Variants in SYCP1 observed in about 807,000 individuals in gnomAD.
SYCP1 encodes synaptonemal complex protein 1, also known as cancer/testis antigen 8.
In SYCP1, 64 loss-of-function variants were observed where a neutral mutation model predicts 153.1. The ratio of observed to expected loss-of-function variants is 0.42; its 90% confidence interval spans 0.34 to 0.51. SYCP1 has a LOEUF of 0.51. Among genes scored for constraint, SYCP1 ranks in the 20% least tolerant of loss-of-function variants. The pLI is 0.06. For missense variants in SYCP1, 997 were observed against 1,049.0 expected (o/e 0.95, Z 0.68); for synonymous variants, 384 against 341.8 (o/e 1.12, Z -1.36).
At chr1:114,981,009 C>T (rs970706308) in intron 28 of SYCP1, among the ~76,000 whole-genome samples, 3 of 151,778 alleles carry the variant, frequency 2.0e-5, no homozygotes, top group Non-Finnish European at 4.4e-5. Flanking sequence ...GATTTAGCTC[C>T]CACTTATAAA....
chr1:114,930,214 G>A (rs1669534661), intron 23 of SYCP1, among the ~76,000 whole-genome samples: 1 of 151,874 alleles, frequency 6.6e-6, no homozygotes, highest in Admixed American at 6.6e-5. Context: ...GAAATTTAGA[G>A]TTTTAAATGT....
At chr1:114,935,273 A>G (rs1669920717) in intron 23 of SYCP1, among the ~76,000 whole-genome samples, 1 of 152,204 alleles carries the variant, frequency 6.6e-6, no homozygotes, top group African/African-American at 2.4e-5. Context: ...CCACTCAACT[A>G]CATGGAAACT....
intron 12 of SYCP1, among the ~76,000 whole-genome samples, chr1:114,883,819 A>T (rs1570695739): frequency 6.6e-6 from 1 of 152,134 alleles, no homozygotes; most frequent in African/African-American, 2.4e-5. Flanking sequence ...CAGCCTCCCG[A>T]GTAGCTGGGA....
chr1:114,961,807 A>G (rs1461309578), intron 27 of SYCP1, among the ~76,000 whole-genome samples: 4 of 152,078 alleles, frequency 2.6e-5, no homozygotes, highest in Admixed American at 2.6e-4. Context: ...AATAGAATGT[A>G]TATTCTGCAG....
intron 28 of SYCP1, 37 bp from the exon 29 acceptor site, chr1:114,981,299 T>C: frequency 6.9e-7 from 1 of 1,439,108 alleles, no homozygotes; most frequent in Non-Finnish European, 9.4e-7. Flanking sequence ...ATGTGACATT[T>C]AGTGATGGTT....
intron 27 of SYCP1, among the ~76,000 whole-genome samples, chr1:114,950,800 C>A: frequency 1.3e-5 from 2 of 151,212 alleles, no homozygotes; most frequent in South Asian, 2.1e-4. Context: ...TACATATATA[C>A]ATAATTATGT....
At chr1:114,979,970 A>G (rs1673046699) in intron 28 of SYCP1, among the ~76,000 whole-genome samples, 1 of 151,826 alleles carries the variant, frequency 6.6e-6, no homozygotes, top group East Asian at 1.9e-4. Flanking sequence ...AAGTTCAGCC[A>G]CCATGCTTTC....
intron 30 of SYCP1, among the ~76,000 whole-genome samples, chr1:114,986,677 T>A (rs1385844971): frequency 6.6e-6 from 1 of 151,948 alleles, no homozygotes; most frequent in Non-Finnish European, 1.5e-5. Context: ...TTATAAAAAT[T>A]AAGATTTAAA....
At chr1:114,860,958 G>A (rs183236640) in intron 8 of SYCP1, 149 bp downstream of exon 8, 248 of 582,794 alleles carry the variant, frequency 4.3e-4, no homozygotes, top group African/African-American at 1.6e-3. Flanking sequence ...AAGTAATAAG[G>A]AGAATCACAG....
At chr1:114,959,204 A>C (rs947583392) in intron 27 of SYCP1, among the ~76,000 whole-genome samples, 1 of 152,014 alleles carries the variant, frequency 6.6e-6, no homozygotes, top group Non-Finnish European at 1.5e-5. Flanking sequence ...TGCTTTTTCC[A>C]TGTCTGTTGA....
chr1:114,948,412 A>G (rs1313301962), intron 27 of SYCP1, among the ~76,000 whole-genome samples: 1 of 152,178 alleles, frequency 6.6e-6, no homozygotes. Flanking sequence ...ACCTAGGTCT[A>G]TTTTTGCATG....
At chr1:114,885,299 A>G (rs917704382) in intron 12 of SYCP1, among the ~76,000 whole-genome samples, 2 of 152,104 alleles carry the variant, frequency 1.3e-5, no homozygotes, top group Non-Finnish European at 2.9e-5. Context: ...ATGTTTTGCT[A>G]TTATAAAAAA....
At chr1:114,986,469 A>G (rs1251550770) in intron 30 of SYCP1, among the ~76,000 whole-genome samples, 3 of 152,022 alleles carry the variant, frequency 2.0e-5, no homozygotes, top group African/African-American at 7.2e-5. Context: ...ATTCAACATG[A>G]TTCATTTCAT....
intron 27 of SYCP1, among the ~76,000 whole-genome samples, chr1:114,949,661 C>T (rs1271543233): frequency 1.3e-5 from 2 of 152,254 alleles, no homozygotes; most frequent in South Asian, 2.1e-4. Flanking sequence ...CCTATACTGT[C>T]TCATTTCTAT....
intron 27 of SYCP1, among the ~76,000 whole-genome samples, chr1:114,951,958 A>T (rs1671135538): frequency 6.6e-6 from 1 of 152,248 alleles, no homozygotes; most frequent in Non-Finnish European, 1.5e-5. Context: ...ACCTGAGTAT[A>T]TAGAAAGTTG....
intron 20 of SYCP1, among the ~76,000 whole-genome samples, chr1:114,920,875 G>C (rs1313270513): frequency 6.6e-6 from 1 of 152,012 alleles, no homozygotes; most frequent in Non-Finnish European, 1.5e-5. Flanking sequence ...ATCTTTACAG[G>C]TGAAGAGGTG....
chr1:114,987,323 G>A (rs915752635), intron 30 of SYCP1, among the ~76,000 whole-genome samples: 1 of 151,900 alleles, frequency 6.6e-6, no homozygotes, highest in African/African-American at 2.4e-5. Context: ...GGGGAAGAGG[G>A]AAAATCTTAT....
chr1:114,947,323 A>G lies in SYCP1; in HGVS notation c.2322+3A>G, dbSNP rs759293651. 1.9e-6 allele frequency: 3 copies of G among 1,610,910 alleles called. No individual in the cohort carries two copies. The highest frequency in any genetic ancestry group is 2.5e-6 in the Non-Finnish European group (3 of 1,178,618). Reference sequence around the variant, plus strand: ...TTGAAATAGAAAGAGAAGAGAAGGTAGGTTTTTTGGCATTATAGATAAAAT... The same window carrying G: ...TTGAAATAGAAAGAGAAGAGAAGGTGGGTTTTTTGGCATTATAGATAAAAT... On this transcript the variant is annotated splice_donor_region_variant and intron_variant, in intron 27 of 31. Coordinates refer to ENST00000369522, the MANE Select transcript of SYCP1 (RefSeq NM_003176.4).
chr1:114,857,328 T>C, intron 4 of SYCP1, 53 bp downstream of exon 4: 1 of 1,567,580 alleles, frequency 6.4e-7, no homozygotes, highest in Non-Finnish European at 8.7e-7. Flanking sequence ...ATGAACTGCT[T>C]ATTTGAAGAC....
Sources: gnomAD v4.1 joint callset for allele counts (sites outside exome capture counted in the v4.1 genomes callset) on GRCh38, gnomAD v4.1.1 for gene constraint, MANE v1.5 for transcripts, NCBI Gene and HGNC (gene_info 2026-07-23, HGNC 2026-07-21) for gene names.